Variants in RGS22 observed in about 807,000 individuals in gnomAD.
The protein encoded by RGS22 is regulator of G protein signaling 22.
RGS22 carries 148 observed loss-of-function variants against 172.9 expected under a neutral mutation model. The ratio of observed to expected loss-of-function variants is 0.86; its 90% CI spans 0.75 to 0.98. RGS22 has a LOEUF of 0.98. Among genes scored for constraint, RGS22 ranks in the 50% least tolerant of loss-of-function variants. The pLI, the probability that RGS22 is intolerant of heterozygous loss-of-function variation, is 0.00. For synonymous variants in RGS22, 458 were observed against 480.2 expected (o/e 0.95, Z 0.60); for missense variants, 1,347 against 1,440.8 (o/e 0.93, Z 1.05).
chr8:99,997,181 G>A (rs1420088044), intron 19 of RGS22, among the ~76,000 whole-genome samples: 1 of 152,148 alleles, frequency 6.6e-6, no homozygotes, highest in Non-Finnish European at 1.5e-5. Context: ...AGTGTGTGAG[G>A]TGGCCCAGCA....
intron 14 of RGS22, among the ~76,000 whole-genome samples, chr8:100,011,076 C>G (rs1188389837): frequency 6.6e-6 from 1 of 152,014 alleles, no homozygotes; most frequent in East Asian, 1.9e-4. Flanking sequence ...CCTATGGGAG[C>G]TTTAAAACCT....
chr8:100,079,928 T>C (rs1367591977), intron 4 of RGS22, among the ~76,000 whole-genome samples: 1 of 152,200 alleles, frequency 6.6e-6, no homozygotes, highest in East Asian at 1.9e-4. Context: ...GTAAATTATA[T>C]GAATCTTCTC....
intron 9 of RGS22, 53 bp downstream of exon 9, chr8:100,062,538 T>A (rs1810223446): frequency 1.6e-6 from 2 of 1,216,590 alleles, no homozygotes; most frequent in Admixed American, 2.1e-5. Flanking sequence ...AAAGTATAAC[T>A]CATAACTGGC....
intron 23 of RGS22, among the ~76,000 whole-genome samples, chr8:99,965,800 T>G: frequency 6.6e-6 from 1 of 152,106 alleles, no homozygotes; most frequent in East Asian, 1.9e-4. Context: ...TATATAAATT[T>G]TATACAAATA....
intron 10 of RGS22, among the ~76,000 whole-genome samples, chr8:100,051,872 T>C: frequency 1.7e-5 from 1 of 57,160 alleles, no homozygotes. Context: ...AATGTTTATA[T>C]ATTTATATAT....
intron 9 of RGS22, among the ~76,000 whole-genome samples, chr8:100,058,786 C>A (rs1267082569): frequency 6.6e-6 from 1 of 151,874 alleles, no homozygotes; most frequent in Non-Finnish European, 1.5e-5. Context: ...TGTTAATGAG[C>A]AATAAGTAAT....
At chr8:99,987,402 T>G in intron 21 of RGS22, 56 bp downstream of exon 21, 1 of 1,361,350 alleles carries the variant, frequency 7.3e-7, no homozygotes, top group Non-Finnish European at 1.0e-6. Context: ...AAATCTGACA[T>G]TTTAATGCAT....
intron 9 of RGS22, among the ~76,000 whole-genome samples, chr8:100,056,836 T>C (rs1809664253): frequency 6.6e-6 from 1 of 152,170 alleles, no homozygotes; most frequent in Non-Finnish European, 1.5e-5. Flanking sequence ...AAATGTGGTG[T>C]TGGAGCCCCC....
intron 23 of RGS22, among the ~76,000 whole-genome samples, chr8:99,976,435 C>T (rs1811946529): frequency 6.6e-6 from 1 of 152,118 alleles, no homozygotes; most frequent in Non-Finnish European, 1.5e-5. Context: ...CATCTCGGCT[C>T]ACTGCAAGCT....
intron 21 of RGS22, 24 bp from the exon 22 acceptor site, chr8:99,982,140 G>T (rs1812619141): frequency 1.3e-6 from 2 of 1,561,324 alleles, no homozygotes; most frequent in Non-Finnish European, 1.7e-6. Context: ...AAGATAGAAT[G>T]GTATATAATT....
intron 6 of RGS22, among the ~76,000 whole-genome samples, chr8:100,068,682 A>G (rs770434264): frequency 6.6e-6 from 1 of 152,142 alleles, no homozygotes; most frequent in Non-Finnish European, 1.5e-5. Flanking sequence ...CTGTAATACC[A>G]ACTCTTTGGT....
intron 18 of RGS22, among the ~76,000 whole-genome samples, chr8:100,001,081 A>C (rs1563597268): frequency 1.3e-5 from 2 of 151,480 alleles, no homozygotes; most frequent in African/African-American, 4.8e-5. Context: ...TGAATGTAAT[A>C]TTAACAAACT....
intron 3 of RGS22, among the ~76,000 whole-genome samples, chr8:100,086,198 A>G (rs1271190772): frequency 6.6e-6 from 1 of 152,160 alleles, no homozygotes; most frequent in Non-Finnish European, 1.5e-5. Context: ...TAAAAGATAC[A>G]AGAGCACAAA....
chr8:99,964,666 T>C (rs941595104), intron 24 of RGS22, among the ~76,000 whole-genome samples: 4 of 152,114 alleles, frequency 2.6e-5, no homozygotes, highest in East Asian at 3.9e-4. Context: ...TTCCATAAAA[T>C]TGGATATTTC....
chr8:100,102,890 T>G (rs1456316224), intron 2 of RGS22, among the ~76,000 whole-genome samples: 1 of 152,236 alleles, frequency 6.6e-6, no homozygotes, highest in African/African-American at 2.4e-5. Context: ...AGCAAAGCAT[T>G]TGACATTTTG....
chr8:100,076,566 C>T (rs1811363686), intron 4 of RGS22, among the ~76,000 whole-genome samples: 1 of 152,094 alleles, frequency 6.6e-6, no homozygotes, highest in Admixed American at 6.5e-5. Flanking sequence ...CAGAATTAAC[C>T]AGTGAAGCCA....
chr8:100,031,864 A>G (rs1222344554), intron 14 of RGS22, among the ~76,000 whole-genome samples: 2 of 152,174 alleles, frequency 1.3e-5, no homozygotes, highest in African/African-American at 4.8e-5. Context: ...GCCAATATTC[A>G]ACGTTCTTAA....
intron 25 of RGS22, 45 bp downstream of exon 25, chr8:99,962,840 A>G (rs373290653): frequency 4.7e-5 from 75 of 1,579,032 alleles, no homozygotes; most frequent in Non-Finnish European, 6.2e-5. Context: ...TTAATCTGTG[A>G]TAAAAGATAA....
At chr8:100,104,364 T>C (rs1222541901) in intron 2 of RGS22, among the ~76,000 whole-genome samples, 1 of 98,078 alleles carries the variant, frequency 1.0e-5, no homozygotes, top group African/African-American at 5.1e-5. Context: ...GTGTGTGTAT[T>C]TTTTTTTTTC....
Sources: gnomAD v4.1 joint callset for allele counts (sites outside exome capture counted in the v4.1 genomes callset) on GRCh38, gnomAD v4.1.1 for gene constraint, MANE v1.5 for transcripts, NCBI Gene and HGNC (gene_info 2026-07-23, HGNC 2026-07-21) for gene names.